The following LNPEP variants were observed in gnomAD, a reference collection of about 807,000 sequenced individuals.
The protein encoded by LNPEP is leucyl and cystinyl aminopeptidase.
Under a neutral mutation model 120.6 loss-of-function variants are expected in LNPEP, and 64 were observed. The observed-to-expected ratio is 0.53, with a 90% CI of 0.43 to 0.65. LNPEP has a LOEUF of 0.65. LNPEP is among the 30% of genes least tolerant of loss of function. The probability of loss-of-function intolerance (pLI) is 0.00; values close to 1 mark genes in which losing one functional copy is unlikely to be tolerated. For missense variants in LNPEP, 1,057 were observed against 1,200.0 expected, an observed-to-expected ratio of 0.88 and a Z score of 1.76; for synonymous variants, 435 against 425.4, an observed-to-expected ratio of 1.02 and a Z score of -0.28.
rs1210925180 is a variant in LNPEP at position 97,037,272 on chromosome 5, G to A, written c.*8739G>A. On this transcript the variant is annotated 3_prime_UTR_variant, in exon 18 of 18. Coordinates refer to ENST00000231368, the MANE Select transcript of LNPEP (RefSeq NM_005575.3). ...GAGATCTTCAATTCCTTGAGTCTGA[G>A]CTTGTGGGTGGAATTCTAAATTTGT... 1 of 152,124 alleles carries A rather than the reference G, an allele frequency of 6.6e-6. No individual in the cohort carries two copies. Among genetic ancestry groups the A allele is most frequent in the Non-Finnish European group, 1.5e-5 (1 of 68,012 alleles). 9.4% of individuals were successfully genotyped at this position (152,124 alleles called of 1,614,324 possible).
intron 9 of LNPEP, among the ~76,000 whole-genome samples, chr5:97,005,241 A>G (rs1270670074): frequency 6.6e-6 from 1 of 152,230 alleles, no homozygotes; most frequent in Non-Finnish European, 1.5e-5. Context: ...ATTTAGGTAC[A>G]TCATGACTTT....
chr5:96,957,070 A>G (rs1226570854), intron 1 of LNPEP, among the ~76,000 whole-genome samples: 1 of 152,188 alleles, frequency 6.6e-6, no homozygotes, highest in East Asian at 1.9e-4. Context: ...CGTGGAGCAT[A>G]ATTATAATAA....
chr5:96,964,982 T>C (rs745696628), intron 1 of LNPEP, among the ~76,000 whole-genome samples: 1 of 152,192 alleles, frequency 6.6e-6, no homozygotes, highest in Non-Finnish European at 1.5e-5. Flanking sequence ...ATTTTTAGAA[T>C]TGATGTGACA....
chr5:96,979,888 A>T lies in LNPEP; in HGVS notation c.770A>T (p.Tyr257Phe), dbSNP rs758402247. 1.9e-6 allele frequency: 3 copies of T among 1,613,978 alleles called. No individual in the cohort carries two copies. In the South Asian group the frequency reaches 3.3e-5, roughly 18 times the overall value. ...GAAGCCCTTCTAGCAGGGCACAATT[A>T]TACGTTGAAGATAGAGTACTCGGCA... ...APEALLAGHN[Y>F]TLKIEYSANI... The change falls in exon 2 of 18, where the codon TAT (tyrosine) becomes TTT (phenylalanine). Residue 257 changes from tyrosine to phenylalanine, a missense_variant. Tyr to Phe is a conservative substitution (Grantham distance 22). Coordinates refer to ENST00000231368, the MANE Select transcript of LNPEP (RefSeq NM_005575.3).
intron 8 of LNPEP, among the ~76,000 whole-genome samples, chr5:97,000,140 G>A (rs1790612001): frequency 6.6e-6 from 1 of 152,134 alleles, no homozygotes; most frequent in African/African-American, 2.4e-5. Flanking sequence ...ATTGTGTTAA[G>A]TAATAAGTGC....
intron 4 of LNPEP, among the ~76,000 whole-genome samples, chr5:96,989,374 A>AT (rs1790334439): frequency 8.9e-5 from 2 of 22,518 alleles, no homozygotes; most frequent in East Asian, 1.2e-3. Context: ...ATAATTATAT[A>AT]TTATATATTA....
At chr5:96,991,721 G>A (rs1790392581) in intron 4 of LNPEP, among the ~76,000 whole-genome samples, 1 of 152,142 alleles carries the variant, frequency 6.6e-6, no homozygotes. Flanking sequence ...TTTGTCAGAT[G>A]TATAGATTAT....
intron 8 of LNPEP, among the ~76,000 whole-genome samples, chr5:97,000,627 C>T (rs770367282): frequency 4.6e-5 from 7 of 152,194 alleles, no homozygotes; most frequent in Non-Finnish European, 1.0e-4. Flanking sequence ...GCATTTCACA[C>T]ATGCTGTCAC....
At chr5:96,958,059 G>C (rs1789511523) in intron 1 of LNPEP, among the ~76,000 whole-genome samples, 1 of 152,170 alleles carries the variant, frequency 6.6e-6, no homozygotes, top group South Asian at 2.1e-4. Context: ...TTACCTGTTG[G>C]CATTTCCACA....
At chr5:96,936,519 C>T (rs1788881581) in intron 1 of LNPEP, 2 of 228,388 alleles carry the variant, frequency 8.8e-6, no homozygotes, top group Non-Finnish European at 1.7e-5. Context: ...GGTGTCGGCC[C>T]GACTCTCCTG....
At chr5:97,021,397 G>A (rs2112667288) in intron 13 of LNPEP, among the ~76,000 whole-genome samples, 1 of 152,270 alleles carries the variant, frequency 6.6e-6, no homozygotes, top group African/African-American at 2.4e-5. Context: ...GAAAAAATAA[G>A]CTATAAACAA....
At chr5:97,026,992 C>A (rs918768805) in intron 16 of LNPEP, among the ~76,000 whole-genome samples, 1 of 152,174 alleles carries the variant, frequency 6.6e-6, no homozygotes, top group Non-Finnish European at 1.5e-5. Flanking sequence ...TTGCTTGGCA[C>A]CAGGTTACTT....
At position 97,013,688 on chromosome 5, in the gene LNPEP, G is replaced by C; in HGVS notation, c.2076G>C (p.Val692=). 1 of 1,582,386 alleles carries C rather than the reference G, an allele frequency of 6.3e-7. No homozygotes were observed. The highest frequency in any genetic ancestry group is 8.6e-7 in the Non-Finnish European group (1 of 1,164,464). ...CAGAAGAAGTGCTGTGGGTCAAAGT[G>C]AATATAAACATGAATGGTTATTATA... ...NLTEEVLWVK[V]NINMNGYYIV... The change falls in exon 12 of 18, where the codon GTG becomes GTC. Residue 692 remains valine (V), a synonymous_variant. Coordinates refer to ENST00000231368, the MANE Select transcript of LNPEP (RefSeq NM_005575.3).
intron 13 of LNPEP, among the ~76,000 whole-genome samples, chr5:97,017,610 C>T (rs888782470): frequency 6.6e-6 from 1 of 152,048 alleles, no homozygotes; most frequent in African/African-American, 2.4e-5. Flanking sequence ...GTGAGGTAGA[C>T]ACCAAGATTC....
chr5:96,974,282 G>A (rs1376562905), intron 1 of LNPEP, among the ~76,000 whole-genome samples: 2 of 152,006 alleles, frequency 1.3e-5, no homozygotes, highest in Non-Finnish European at 2.9e-5. Flanking sequence ...AGATGTCTTT[G>A]CTTGCACTTG....
chr5:97,014,848 C>A, intron 12 of LNPEP, 91 bp from the exon 13 acceptor site: 1 of 920,902 alleles, frequency 1.1e-6, no homozygotes, highest in Non-Finnish European at 1.5e-6. Context: ...CTCCAAGACT[C>A]ACCATCTAAC....
At position 96,998,038 on chromosome 5, in the gene LNPEP, T is replaced by C; in HGVS notation, c.1546T>C (p.Phe516Leu). 6.3e-7 allele frequency: 1 copy of C among 1,581,606 alleles called. No individual in the cohort carries two copies. ...GTATGAAGATTTCTTAGATGCTCGA[T>C]TTAAAACCATGAAGAAAGATTCCTT... is the stretch of plus-strand genomic sequence containing the variant. Reference protein sequence around the residue: ...SSYEDFLDARFKTMKKDSLNS... With the variant: ...SSYEDFLDARLKTMKKDSLNS... The change falls in exon 8 of 18, where the codon TTT (phenylalanine) becomes CTT (leucine). Residue 516 changes from phenylalanine to leucine, a missense_variant. Phe to Leu is a conservative substitution (Grantham distance 22, BLOSUM62 0). Transcript: ENST00000231368.
chr5:96,986,437 C>G, intron 3 of LNPEP, 102 bp from the exon 4 acceptor site: 1 of 1,169,834 alleles, frequency 8.5e-7, no homozygotes, highest in Non-Finnish European at 1.2e-6. Context: ...ATGCTAGCAT[C>G]TTTACCATTT....
At chr5:96,996,303 A>G (rs1027633073) in intron 6 of LNPEP, 87 bp from the exon 7 acceptor site, 7 of 745,012 alleles carry the variant, frequency 9.4e-6, no homozygotes, top group Non-Finnish European at 1.7e-5. Flanking sequence ...CAGGTTATAG[A>G]TAATTAATAT....
Sources: gnomAD v4.1 joint callset for allele counts (sites outside exome capture counted in the v4.1 genomes callset) on GRCh38, gnomAD v4.1.1 for gene constraint, MANE v1.5 for transcripts, NCBI Gene and HGNC (gene_info 2026-07-23, HGNC 2026-07-21) for gene names.